Variants in CCDC30 observed in about 807,000 individuals in gnomAD.
CCDC30 encodes the protein coiled-coil domain containing 30.
Under a neutral mutation model 100.2 loss-of-function variants are expected in CCDC30, and 70 were observed. The observed-to-expected ratio is 0.70, with a 90% CI of 0.58 to 0.85. The LOEUF (loss-of-function observed/expected upper bound fraction) is 0.85, where lower values mean the gene tolerates loss of function less well. Ranked by LOEUF, CCDC30 falls within the 40% of genes least tolerant of loss-of-function variation. CCDC30 has a pLI of 0.00. For synonymous variants in CCDC30, 233 were observed against 269.5 expected, an observed-to-expected ratio of 0.86 and a Z score of 1.33; for missense variants, 652 against 771.2, an observed-to-expected ratio of 0.85 and a Z score of 1.83.
chr1:42,485,240 G>A (rs554528507), intron 3 of CCDC30, among the ~76,000 whole-genome samples: 1 of 152,052 alleles, frequency 6.6e-6, no homozygotes, highest in South Asian at 2.1e-4. Flanking sequence ...AAGAAAACAA[G>A]GAAAACATCT....
chr1:42,620,781 C>T (rs976152365), intron 11 of CCDC30, among the ~76,000 whole-genome samples: 2 of 152,092 alleles, frequency 1.3e-5, no homozygotes, highest in Non-Finnish European at 2.9e-5. Flanking sequence ...CTTATGTTAC[C>T]CATCTATTAC....
intron 11 of CCDC30, among the ~76,000 whole-genome samples, chr1:42,635,366 T>A (rs552297434): frequency 6.5e-4 from 99 of 152,324 alleles, no homozygotes; most frequent in African/African-American, 2.3e-3. Flanking sequence ...TATTTGTTTA[T>A]CCACTCATCA....
At chr1:42,472,998 TTGCTAG>T in intron 1 of CCDC30, 1 of 840,248 alleles carries the variant, frequency 1.2e-6, no homozygotes, top group Non-Finnish European at 1.5e-6. Flanking sequence ...TAGCTTTCTA[TTGCTAG>T]TACCCTAAAG....
intron 13 of CCDC30, among the ~76,000 whole-genome samples, chr1:42,643,860 CA>C (rs1269856295): frequency 6.6e-6 from 1 of 152,154 alleles, no homozygotes; most frequent in Non-Finnish European, 1.5e-5. Flanking sequence ...TTCTACTTCA[CA>C]AGAAATCAGA....
chr1:42,473,270 G>A, intron 1 of CCDC30: 1 of 1,231,540 alleles, frequency 8.1e-7, no homozygotes, highest in Non-Finnish European at 1.0e-6. Flanking sequence ...ATGTAGAAGA[G>A]CTTATAGTGA....
chr1:42,506,453 C>A lies in CCDC30; in HGVS notation c.456+7537C>A, dbSNP rs528464144. On this transcript the variant is annotated intron_variant, in intron 6 of 16. Coordinates refer to ENST00000668663, the Ensembl canonical transcript of CCDC30. ...AGCATAGTTACAGTTAAAAACACGA[C>A]TGACAAAGAGATTTGGTTATCTTTG... Among the ~76,000 whole-genome samples, 6 of 152,310 alleles carry A rather than the reference C, an allele frequency of 3.9e-5. No individual in the cohort carries two copies. In the South Asian group the frequency reaches 1.2e-3, roughly 32 times the overall value.
intron 1 of CCDC30, among the ~76,000 whole-genome samples, chr1:42,466,911 A>G (rs985706724): frequency 4.6e-5 from 7 of 152,328 alleles, no homozygotes; most frequent in African/African-American, 1.4e-4. Context: ...TTTAGATGTC[A>G]GAGCATTTAT....
At chr1:42,564,236 T>A (rs940000213) in intron 6 of CCDC30, among the ~76,000 whole-genome samples, 1 of 152,230 alleles carries the variant, frequency 6.6e-6, no homozygotes, top group African/African-American at 2.4e-5. Context: ...CAAATGACTA[T>A]TCTCTTATTT....
chr1:42,542,435 A>T (rs556325310), intron 6 of CCDC30, among the ~76,000 whole-genome samples: 14 of 151,628 alleles, frequency 9.2e-5, no homozygotes, highest in Admixed American at 8.5e-4. Context: ...GCAAGATCAT[A>T]GCTCACCTCC....
intron 6 of CCDC30, among the ~76,000 whole-genome samples, chr1:42,561,184 G>A (rs1357027377): frequency 6.6e-6 from 1 of 152,196 alleles, no homozygotes; most frequent in African/African-American, 2.4e-5. Flanking sequence ...TATCCCTGAT[G>A]AACATCGATG....
chr1:42,553,585 G>A, intron 6 of CCDC30, among the ~76,000 whole-genome samples: 1 of 151,560 alleles, frequency 6.6e-6, no homozygotes, highest in East Asian at 1.9e-4. Flanking sequence ...GAGCCCAGGA[G>A]TTCAAGGCTG....
At chr1:42,568,433 C>T (rs978730493) in intron 7 of CCDC30, among the ~76,000 whole-genome samples, 1 of 152,060 alleles carries the variant, frequency 6.6e-6, no homozygotes, top group Non-Finnish European at 1.5e-5. Flanking sequence ...TTATCTCTTA[C>T]GAACAGCCTC....
chr1:42,608,189 CA>C (rs1280693132), intron 10 of CCDC30, among the ~76,000 whole-genome samples: 1 of 152,140 alleles, frequency 6.6e-6, no homozygotes, highest in Non-Finnish European at 1.5e-5. Context: ...GCCTCTATAT[CA>C]GGGGTCATAA....
chr1:42,645,670 G>A lies in CCDC30; in HGVS notation c.1672-465G>A, dbSNP rs541872879. Among the ~76,000 whole-genome samples the A allele has an allele frequency of 1.4e-4, 21 of 150,092 alleles. No individual in the cohort carries two copies. In the East Asian group the frequency reaches 2.5e-3, roughly 18 times the overall value. ...TTCCAAGCTATATGAGTGGGTTTTC[G>A]TTTTTTTTTCTGATTTTGTCAAAAG... On this transcript the variant is annotated intron_variant, in intron 14 of 16. Transcript: ENST00000668663.
intron 6 of CCDC30, among the ~76,000 whole-genome samples, chr1:42,502,005 T>C (rs975783766): frequency 2.0e-5 from 3 of 152,260 alleles, no homozygotes; most frequent in Non-Finnish European, 4.4e-5. Flanking sequence ...CGTTTAAGTC[T>C]GCAGAAGTTT....
intron 11 of CCDC30, among the ~76,000 whole-genome samples, chr1:42,634,168 C>T (rs574131727): frequency 1.3e-5 from 2 of 150,882 alleles, no homozygotes; most frequent in Non-Finnish European, 2.9e-5. Flanking sequence ...TGATGCACAC[C>T]TCTAGTCCCA....
intron 9 of CCDC30, among the ~76,000 whole-genome samples, chr1:42,588,407 G>A (rs1413853708): frequency 6.6e-6 from 1 of 152,110 alleles, no homozygotes; most frequent in Admixed American, 6.5e-5. Context: ...ACGTGGGGTG[G>A]GGAAAATCAA....
intron 15 of CCDC30, among the ~76,000 whole-genome samples, chr1:42,651,980 C>CTG (rs35704897): frequency 0.58 from 88,760 of 151,864 alleles, 26,159 homozygotes; most frequent in South Asian, 0.66. Flanking sequence ...TTATGGAAAA[C>CTG]TGTGGAGTTT....
intron 10 of CCDC30, among the ~76,000 whole-genome samples, chr1:42,606,214 C>CA (rs1646498796): frequency 5.3e-5 from 8 of 152,132 alleles, no homozygotes; most frequent in Non-Finnish European, 8.8e-5. Flanking sequence ...ATAAAATTAA[C>CA]TATAGTACAC....
Sources: allele counts gnomAD v4.1 joint callset (sites outside exome capture counted in the v4.1 genomes callset), GRCh38; gene constraint gnomAD v4.1.1; transcripts MANE v1.5; gene names NCBI Gene and HGNC (gene_info 2026-07-23, HGNC 2026-07-21).